The following TARS3 variants were observed in gnomAD, a reference collection of about 807,000 sequenced individuals.
TARS3 encodes the protein threonyl-tRNA synthetase 3, also known as threonine--tRNA ligase 2, cytoplasmic.
In TARS3, 94 loss-of-function variants were observed where a neutral mutation model predicts 103.5. That is an observed-to-expected ratio of 0.91 (90% CI 0.77 to 1.08). TARS3 has a LOEUF of 1.08. Among genes scored for constraint, TARS3 ranks in the 50% least tolerant of loss-of-function variants. TARS3 has a pLI of 0.00. For missense variants in TARS3, 952 were observed against 995.2 expected, an observed-to-expected ratio of 0.96 and a Z score of 0.58; for synonymous variants, 416 against 355.4, an observed-to-expected ratio of 1.17 and a Z score of -1.92.
intron 12 of TARS3, among the ~76,000 whole-genome samples, chr15:101,683,050 T>C (rs1898317426): frequency 6.6e-6 from 1 of 152,210 alleles, no homozygotes; most frequent in African/African-American, 2.4e-5. Flanking sequence ...ATCAATTTTA[T>C]TGATCTTCTC....
At chr15:101,695,908 GA>G in intron 10 of TARS3, 1 of 149,648 alleles carries the variant, frequency 6.7e-6, no homozygotes, top group Non-Finnish European at 1.5e-5. Flanking sequence ...TCCATCTTAG[GA>G]AAAAAATAAA....
intron 6 of TARS3, among the ~76,000 whole-genome samples, chr15:101,708,260 A>G (rs1275429830): frequency 1.8e-4 from 6 of 33,418 alleles, no homozygotes; most frequent in East Asian, 0.018. Context: ...TCTGTCTGAA[A>G]AAAAAAAAAA....
intron 12 of TARS3, among the ~76,000 whole-genome samples, chr15:101,677,957 C>G (rs1359891456): frequency 1.3e-5 from 2 of 151,038 alleles, no homozygotes; most frequent in Non-Finnish European, 2.9e-5. Context: ...ATTGGCATAT[C>G]ATGGGACTTC....
At position 101,684,173 on chromosome 15, in the gene TARS3, C is replaced by G; in HGVS notation, c.1552G>C (p.Val518Leu). The G allele has an allele frequency of 6.2e-7, 1 of 1,614,096 alleles. No homozygotes were observed. The highest frequency in any genetic ancestry group is 8.5e-7 in the Non-Finnish European group (1 of 1,179,966). The change falls in exon 12 of 19, where the codon GTT (valine) becomes CTT (leucine). Residue 518 changes from valine (V) to leucine (L), a missense_variant. Val to Leu is a conservative substitution (Grantham distance 32). This residue lies in a region of TARS3 where 540 missense variants were observed against 631.0 expected (regional missense o/e 0.86). Coordinates refer to ENST00000335968, the MANE Select transcript of TARS3 (RefSeq NM_152334.3). The part of the protein sequence containing the change: ...EMPIRFADFG[V>L]LHRNELSGTL... The stretch of plus-strand genomic sequence containing the variant: ...CCCGACAGTTCATTTCTATGCAGAA[C>G]TCCAAAATCAGCAAATCTAATAGGC...
At chr15:101,697,854 G>A (rs1899055833) in intron 10 of TARS3, among the ~76,000 whole-genome samples, 2 of 152,170 alleles carry the variant, frequency 1.3e-5, no homozygotes, top group African/African-American at 2.4e-5. Context: ...AGCCTCCCAG[G>A]CAAAGAAGGA....
chr15:101,693,725 C>A (rs1898838466), intron 10 of TARS3, among the ~76,000 whole-genome samples: 1 of 152,142 alleles, frequency 6.6e-6, no homozygotes, highest in African/African-American at 2.4e-5. Flanking sequence ...GGGACAAAAG[C>A]AGAGGCCCGC....
chr15:101,658,705 C>T (rs753958310), intron 16 of TARS3, among the ~76,000 whole-genome samples: 1 of 152,160 alleles, frequency 6.6e-6, no homozygotes, highest in Non-Finnish European at 1.5e-5. Flanking sequence ...GTCTCAATGT[C>T]TAGTTCTTGG....
At chr15:101,658,862 G>A (rs1332704115) in intron 16 of TARS3, among the ~76,000 whole-genome samples, 2 of 152,048 alleles carry the variant, frequency 1.3e-5, no homozygotes, top group African/African-American at 4.8e-5. Context: ...GCGTGATCTC[G>A]GCTCACTGCA....
intron 10 of TARS3, among the ~76,000 whole-genome samples, chr15:101,700,244 C>G (rs990161289): frequency 6.6e-6 from 1 of 151,514 alleles, no homozygotes; most frequent in Non-Finnish European, 1.5e-5. Context: ...CCTGTGAACA[C>G]TATCTACACA....
rs1485323596 is a variant in TARS3 at position 101,675,741 on chromosome 15, A to C, written c.1651-4T>G. 1 of 1,603,860 alleles carries C rather than the reference A, an allele frequency of 6.2e-7. No homozygotes were observed. The highest frequency in any genetic ancestry group is 1.8e-5 in the Admixed American group (1 of 57,036). ...ACCCCTTTATTTCTTCTTCAATCTGAAATCAAAGCAAATGAAACATTCAAA... is the reference window on the plus strand; with the variant it reads ...ACCCCTTTATTTCTTCTTCAATCTGCAATCAAAGCAAATGAAACATTCAAA... On this transcript the variant is annotated splice_region_variant and splice_polypyrimidine_tract_variant and intron_variant, in intron 12 of 18. Transcript: ENST00000335968.
rs66771228 is a variant in TARS3 at position 101,671,057 on chromosome 15, AAC to A, written c.1967+427_1967+428del. On this transcript the variant is annotated intron_variant, in intron 15 of 18. Coordinates refer to ENST00000335968, the MANE Select transcript of TARS3 (RefSeq NM_152334.3). ...ATCATAACCATCAAGCTGTACACAC[AAC>A]ACACACACACACACACAGAGTTAAT... Among the ~76,000 whole-genome samples the A allele has an allele frequency of 6.6e-3, 991 of 150,338 alleles. 11 individuals carry two copies. Among genetic ancestry groups the A allele is most frequent in the African/African-American group, 0.022 (919 of 41,124 alleles).
At position 101,723,993 on chromosome 15, in the gene TARS3, C is replaced by CGCCCCCGCACCT. The variant is rs1024831084; in HGVS notation, c.297+86_297+97dup. The stretch of plus-strand genomic sequence containing the variant: ...GCACTGGGAGGGCACTCCCCCGGGG[C>CGCCCCCGCACCT]GCCCCCGCACCTGCCCCCGCAGTTG... On this transcript the variant is annotated intron_variant, in intron 1 of 18. Transcript: ENST00000335968. 7.9e-6 allele frequency: 9 copies of CGCCCCCGCACCT among 1,145,950 alleles called. No homozygotes were observed. In the Admixed American group the frequency reaches 3.3e-4, roughly 43 times the overall value. The allele number at this position is 1,145,950 out of a possible 1,614,324, so 71.0% of individuals were successfully genotyped here. A position where few individuals can be genotyped will look rare whatever the true frequency, so the allele number is the denominator to read the frequency against.
intron 3 of TARS3, among the ~76,000 whole-genome samples, chr15:101,720,822 G>A (rs1245006767): frequency 2.0e-5 from 3 of 152,128 alleles, no homozygotes; most frequent in Non-Finnish European, 4.4e-5. Context: ...ATTCTCATGA[G>A]ATCTGATGGT....
intron 4 of TARS3, among the ~76,000 whole-genome samples, chr15:101,712,587 G>C (rs865941027): frequency 3.3e-5 from 5 of 152,262 alleles, no homozygotes; most frequent in Middle Eastern, 6.8e-3. Context: ...TGCCTGGGAC[G>C]CCTGAGAAGT....
At chr15:101,722,498 G>T (rs1258817968) in intron 2 of TARS3, among the ~76,000 whole-genome samples, 4 of 142,578 alleles carry the variant, frequency 2.8e-5, no homozygotes, top group Non-Finnish European at 4.5e-5. Context: ...AAAGTAGCTA[G>T]TTTCTCGAAT....
At chr15:101,687,570 T>C (rs1343764677) in intron 10 of TARS3, among the ~76,000 whole-genome samples, 1 of 152,020 alleles carries the variant, frequency 6.6e-6, no homozygotes. Context: ...TACTAAAAAC[T>C]ACTTTTAAAG....
chr15:101,661,602 T>C (rs1226079135), intron 16 of TARS3, 110 bp downstream of exon 16: 1 of 699,746 alleles, frequency 1.4e-6, no homozygotes, highest in African/African-American at 1.9e-5. Context: ...TTTTTTCTTT[T>C]ACACATGATT....
rs534345612 is a variant in TARS3 at position 101,698,316 on chromosome 15, C to G, written c.1320+2770G>C. Among the ~76,000 whole-genome samples, 168 of 151,728 alleles carry G rather than the reference C, an allele frequency of 1.1e-3. 1 individual carries two copies. Among genetic ancestry groups the G allele is most frequent in the African/African-American group, 3.7e-3 (153 of 41,364 alleles). ...CCACTGCACTCCAACCTGGGCGACACAGCGAGACTCTGTCTCAAAGAAAAA... is the reference window on the plus strand; with the variant it reads ...CCACTGCACTCCAACCTGGGCGACAGAGCGAGACTCTGTCTCAAAGAAAAA... On this transcript the variant is annotated intron_variant, in intron 10 of 18. Transcript: ENST00000335968.
chr15:101,660,478 T>C (rs1897335302), intron 16 of TARS3, among the ~76,000 whole-genome samples: 3 of 152,254 alleles, frequency 2.0e-5, no homozygotes, highest in Admixed American at 2.0e-4. Flanking sequence ...TCAGAAGCAC[T>C]GTTGTGTTCC....
Sources: allele counts gnomAD v4.1 joint callset (sites outside exome capture counted in the v4.1 genomes callset), GRCh38; gene constraint gnomAD v4.1.1; regional missense constraint gnomAD v4.1.1; transcripts MANE v1.5; gene names NCBI Gene and HGNC (gene_info 2026-07-23, HGNC 2026-07-21).